KCNQ5: variants seen among roughly 807,000 people sequenced by gnomAD.
KCNQ5 encodes potassium voltage-gated channel subfamily KQT member 5.
A neutral mutation model predicts 98.2 loss-of-function variants in KCNQ5; 30 were observed. That is an observed-to-expected ratio of 0.31 (90% CI 0.23 to 0.41). The LOEUF (loss-of-function observed/expected upper bound fraction) is 0.41, where lower values mean the gene tolerates loss of function less well. KCNQ5 is among the 10% of genes least tolerant of loss of function. The pLI, the probability that KCNQ5 is intolerant of heterozygous loss-of-function variation, is 1.00. For synonymous variants in KCNQ5, 458 were observed against 449.4 expected (o/e 1.02, Z -0.24); for missense variants, 835 against 1,182.5 (o/e 0.71, Z 4.31).
chr6:72,960,166 G>A (rs1767270228), intron 1 of KCNQ5, among the ~76,000 whole-genome samples: 1 of 152,158 alleles, frequency 6.6e-6, no homozygotes, highest in South Asian at 2.1e-4. Flanking sequence ...ACTAAGTAAG[G>A]AGGAGAAAGT....
At chr6:72,842,375 T>A (rs1776833570) in intron 1 of KCNQ5, among the ~76,000 whole-genome samples, 1 of 152,228 alleles carries the variant, frequency 6.6e-6, no homozygotes, top group Admixed American at 6.5e-5. Context: ...CAACTATGAT[T>A]CATTGAATGC....
chr6:72,860,777 T>C (rs1032039394), intron 1 of KCNQ5, among the ~76,000 whole-genome samples: 5 of 152,096 alleles, frequency 3.3e-5, no homozygotes, highest in African/African-American at 1.2e-4. Context: ...TCCTATGATC[T>C]TTATTTCTGT....
intron 1 of KCNQ5, among the ~76,000 whole-genome samples, chr6:72,902,412 C>G (rs1251750097): frequency 1.3e-5 from 2 of 152,176 alleles, no homozygotes; most frequent in Non-Finnish European, 1.5e-5. Context: ...GCATCCTTGT[C>G]TTGTTCCAGT....
chr6:72,747,214 A>G (rs1771450060), intron 1 of KCNQ5, among the ~76,000 whole-genome samples: 3 of 152,188 alleles, frequency 2.0e-5, no homozygotes, highest in Admixed American at 1.3e-4. Context: ...AAATTATATC[A>G]CAGGTATTGA....
intron 1 of KCNQ5, among the ~76,000 whole-genome samples, chr6:72,757,444 C>T (rs377283052): frequency 2.6e-5 from 4 of 152,230 alleles, no homozygotes; most frequent in Admixed American, 1.3e-4. Flanking sequence ...GAATTTAAAA[C>T]GCTTAACTTC....
At chr6:72,806,591 A>G (rs151026838) in intron 1 of KCNQ5, among the ~76,000 whole-genome samples, 2 of 152,234 alleles carry the variant, frequency 1.3e-5, no homozygotes, top group East Asian at 3.9e-4. Flanking sequence ...TACTTACACA[A>G]CCTCAAGAGG....
intron 1 of KCNQ5, among the ~76,000 whole-genome samples, chr6:72,934,307 T>G (rs1765808610): frequency 6.6e-6 from 1 of 152,108 alleles, no homozygotes; most frequent in African/African-American, 2.4e-5. Flanking sequence ...TGACTGATGA[T>G]GACAACAATG....
intron 5 of KCNQ5, among the ~76,000 whole-genome samples, chr6:73,100,861 A>T (rs1255597520): frequency 2.0e-5 from 3 of 152,138 alleles, no homozygotes; most frequent in Non-Finnish European, 4.4e-5. Context: ...GTGAGAAACT[A>T]TATACCAATA....
At chr6:72,901,713 A>G (rs1013013739) in intron 1 of KCNQ5, among the ~76,000 whole-genome samples, 1 of 151,984 alleles carries the variant, frequency 6.6e-6, no homozygotes, top group Non-Finnish European at 1.5e-5. Flanking sequence ...CTATGTGCCT[A>G]TTTTATACCG....
intron 2 of KCNQ5, among the ~76,000 whole-genome samples, chr6:73,025,068 G>A (rs1224289097): frequency 6.6e-6 from 1 of 152,060 alleles, no homozygotes; most frequent in Non-Finnish European, 1.5e-5. Flanking sequence ...TCCTTTACAC[G>A]CAGTGCTAAA....
At chr6:72,691,488 G>A (rs1389514049) in intron 1 of KCNQ5, among the ~76,000 whole-genome samples, 1 of 152,130 alleles carries the variant, frequency 6.6e-6, no homozygotes, top group African/African-American at 2.4e-5. Context: ...GGTTGCTAAG[G>A]GCAACTGGTA....
chr6:73,184,776 T>C (rs1399017533), intron 11 of KCNQ5, among the ~76,000 whole-genome samples: 1 of 152,074 alleles, frequency 6.6e-6, no homozygotes, highest in Admixed American at 6.5e-5. Context: ...GCATTTTAGG[T>C]AGAGTGCAAA....
chr6:72,686,717 G>GTTTTT (rs1554688157), intron 1 of KCNQ5, among the ~76,000 whole-genome samples: 35 of 97,404 alleles, frequency 3.6e-4, no homozygotes, highest in South Asian at 6.7e-4. Flanking sequence ...TTTATGGGTT[G>GTTTTT]TTTTTTTTTT....
intron 1 of KCNQ5, among the ~76,000 whole-genome samples, chr6:72,922,810 C>CTTTTTCTTTTTTTTTTTTTTTTT (rs1554186016): frequency 9.6e-5 from 10 of 103,832 alleles, no homozygotes; most frequent in East Asian, 2.8e-4. Context: ...TTTTCTTTTT[C>CTTTTTCTTTTTTTTTTTTTTTTT]TTTTTTTTTT....
chr6:72,945,541 G>A (rs1399627772), intron 1 of KCNQ5, among the ~76,000 whole-genome samples: 1 of 150,524 alleles, frequency 6.6e-6, no homozygotes, highest in East Asian at 2.0e-4. Context: ...TGCAACCTCT[G>A]TCTCCTGGGT....
intron 3 of KCNQ5, among the ~76,000 whole-genome samples, chr6:73,075,893 A>G (rs1476417216): frequency 6.6e-6 from 1 of 152,116 alleles, no homozygotes; most frequent in Admixed American, 6.5e-5. Context: ...AAAAATACAA[A>G]AATTAGCCAG....
chr6:73,051,705 CAAAAAAAAAAAAAAAAA>C (rs201199934), intron 3 of KCNQ5, among the ~76,000 whole-genome samples: 181 of 97,164 alleles, frequency 1.9e-3, no homozygotes, highest in African/African-American at 7.1e-3. Flanking sequence ...AAGATAGAGG[CAAAAAAAAAAAAAAAAA>C]AAAAAAAAAA....
At position 72,976,025 on chromosome 6, in the gene KCNQ5, AAT is replaced by A. The variant is rs1395999902; in HGVS notation, c.399-27879_399-27878del. 3.9e-5 allele frequency among the ~76,000 whole-genome samples: 6 copies of A among 152,296 alleles called. No individual in the cohort carries two copies. In the South Asian group the frequency reaches 1.0e-3, roughly 26 times the overall value. ...AATTCATAATTGATTTTTATTAGCA[AAT>A]ATAGTACTTTGAAATAGCTTTTTAT... On this transcript the variant is annotated intron_variant, in intron 1 of 13. Coordinates refer to ENST00000370398, the MANE Select transcript of KCNQ5 (RefSeq NM_019842.4).
At chr6:72,799,832 T>G (rs1774541579) in intron 1 of KCNQ5, among the ~76,000 whole-genome samples, 1 of 152,154 alleles carries the variant, frequency 6.6e-6, no homozygotes, top group African/African-American at 2.4e-5. Context: ...TTTAATTATT[T>G]CTCACAGCAA....
Sources: gnomAD v4.1 joint callset for allele counts (sites outside exome capture counted in the v4.1 genomes callset) on GRCh38, gnomAD v4.1.1 for gene constraint, MANE v1.5 for transcripts, NCBI Gene and HGNC (gene_info 2026-07-23, HGNC 2026-07-21) for gene names.